The following PARP10 variants were observed in gnomAD, a reference collection of about 807,000 sequenced individuals.
The protein encoded by PARP10 is protein mono-ADP-ribosyltransferase PARP10.
In PARP10, 56 loss-of-function variants were observed where a neutral mutation model predicts 82.4. The ratio of observed to expected loss-of-function variants is 0.68; its 90% CI spans 0.55 to 0.85. PARP10 has a LOEUF of 0.85. PARP10 is among the 40% of genes least tolerant of loss of function. The pLI, the probability that PARP10 is intolerant of heterozygous loss-of-function variation, is 0.00. For missense variants in PARP10, 1,227 were observed against 1,379.4 expected, an observed-to-expected ratio of 0.89 and a Z score of 1.75; for synonymous variants, 576 against 601.1, an observed-to-expected ratio of 0.96 and a Z score of 0.61.
chr8:143,999,435 C>T (rs181850577), intron 1 of PARP10, among the ~76,000 whole-genome samples: 1 of 152,274 alleles, frequency 6.6e-6, no homozygotes, highest in African/African-American at 2.4e-5. Flanking sequence ...AACTGCTGAG[C>T]TCAAGTGGTC....
chr8:143,986,723 A>C (rs994418770), upstream of PARP10: 9 of 416,912 alleles, frequency 2.2e-5, no homozygotes, highest in South Asian at 2.7e-4. Flanking sequence ...CATGGCCTGA[A>C]AATGGCCAAT....
Position 143,986,362 on chromosome 8 carries a change from C to G in PARP10, c.-3G>C. On this transcript the variant is annotated 5_prime_UTR_variant, in exon 1 of 11. Coordinates refer to ENST00000313028, the MANE Select transcript of PARP10 (RefSeq NM_032789.5). ...GGCCCCACATACAGCACTTACATTC[C>G]CCGTGGCCGCTAGGCAGCCTCAGGC... 6.2e-7 allele frequency: 1 copy of G among 1,614,178 alleles called. No individual in the cohort carries two copies. The highest frequency in any genetic ancestry group is 2.2e-5 in the East Asian group (1 of 44,882).
At chr8:143,992,411 G>C (rs782421804), upstream of PARP10, 19 of 1,612,648 alleles carry the variant, frequency 1.2e-5, no homozygotes, top group East Asian at 3.8e-4. Context: ...GGCCGCAGGG[G>C]CTGAGCAGCT....
Position 143,983,248 on chromosome 8 carries a change from C to G in PARP10, c.2341G>C (p.Ala781Pro). ...LRGFGAHPAR[A>P]ARHLVALLAG... ...AGAAGTGCCACCAAGTGGCGGGCAG[C>G]ACGGGCAGGGTGGGCCCCGAAGCCA... is the stretch of plus-strand genomic sequence containing the variant. Residue 781 changes from alanine to proline, a missense_variant, in exon 8 of 11, where the codon GCT becomes CCT. By Grantham distance (27) the Ala-to-Pro change is conservative. Transcript: ENST00000313028. The G allele has an allele frequency of 6.2e-7, 1 of 1,613,232 alleles. No homozygotes were observed. The highest frequency in any genetic ancestry group is 8.5e-7 in the Non-Finnish European group (1 of 1,179,874).
Position 143,978,100 on chromosome 8 carries a change from C to A in PARP10, c.2557-19G>T. The stretch of plus-strand genomic sequence containing the variant: ...GCTCCACCTGCGGGGAAGGCCCGGG[C>A]CAGGATTAAACACCCTCCCTACGCC... On this transcript the variant is annotated intron_variant, in intron 9 of 10. Coordinates refer to ENST00000313028, the MANE Select transcript of PARP10 (RefSeq NM_032789.5). The A allele has an allele frequency of 6.7e-7, 1 of 1,488,470 alleles. No homozygotes were observed. The allele number at this position is 1,488,470 out of a possible 1,614,324, so 92.2% of individuals were successfully genotyped here.
intron 10 of PARP10, 28 bp downstream of exon 10, chr8:143,977,879 C>T: frequency 6.3e-7 from 1 of 1,598,972 alleles, no homozygotes; most frequent in Non-Finnish European, 8.5e-7. Context: ...TGCGCAGAGC[C>T]CCCGCCCCTG....
In PARP10 at chr8:143,986,058, C is replaced by T; in HGVS notation, c.178G>A (p.Ala60Thr). 2 of 1,613,710 alleles carry T rather than the reference C, an allele frequency of 1.2e-6. No homozygotes were observed. Among genetic ancestry groups the T allele is most frequent in the South Asian group, 2.2e-5 (2 of 91,086 alleles). The change falls in exon 2 of 11, where the codon GCA (alanine) becomes ACA (threonine). Residue 60 changes from alanine to threonine, a missense_variant. Transcript: ENST00000313028. Reference sequence around the variant, plus strand: ...TCCCTTCAGCCAGCCCTCTCACCTGCAGGCTCTCTGAAGGTGAGGACGCCC... The same window carrying T: ...TCCCTTCAGCCAGCCCTCTCACCTGTAGGCTCTCTGAAGGTGAGGACGCCC... ...CGGVLTFREP[A>T]DAERVLAQAD...
chr8:143,989,904 C>A (rs1834060502), upstream of PARP10: 1 of 152,256 alleles, frequency 6.6e-6, no homozygotes, highest in Non-Finnish European at 1.5e-5. The surrounding 1 kb of genome is among the most constrained non-coding windows in gnomAD (Gnocchi z 4.3). Flanking sequence ...ACCGCCCGAC[C>A]CCACCCCTCG....
At chr8:143,992,937 TC>T, upstream of PARP10, 1 of 1,045,470 alleles carries the variant, frequency 9.6e-7, no homozygotes. Context: ...CTCTCTCTTG[TC>T]CCCAGGCACA....
In PARP10 at chr8:144,007,020, C is replaced by G. The variant is rs146407242; in HGVS notation, c.-80+5510G>C. The stretch of plus-strand genomic sequence containing the variant: ...TCCCAGCCTGAATGCCGCCCCCCTG[C>G]TCTGCCCCACCAAACATTGTTTGCT... On this transcript the variant is annotated intron_variant, in intron 1 of 3. Coordinates refer to the PARP10 transcript ENST00000530478. Among the ~76,000 whole-genome samples, 186 of 152,336 alleles carry G rather than the reference C, an allele frequency of 1.2e-3. 2 individuals are homozygous for G. In the East Asian group the frequency reaches 0.026, roughly 21 times the overall value.
rs61156785 is a variant in PARP10, at chr8:144,008,019, C to A, written c.-80+4511G>T. Among the ~76,000 whole-genome samples the A allele has an allele frequency of 6.6e-6, 1 of 152,010 alleles. No homozygotes were observed. Among genetic ancestry groups the A allele is most frequent in the South Asian group, 2.1e-4 (1 of 4,834 alleles). On this transcript the variant is annotated intron_variant, in intron 1 of 3. Coordinates refer to the PARP10 transcript ENST00000530478. This position sits in a 1 kb window ranked among gnomAD's most constrained non-coding sequence, Gnocchi z 4.0. ...TGGAGAGGAGTCACTGCCGACGTCC[C>A]GGAGGGCCCTGGAAGTCAAATGCCA...
Position 143,983,410 on chromosome 8 carries a change from T to C in PARP10, c.2179A>G (p.Arg727Gly). The change falls in exon 8 of 11, where the codon AGG (arginine) becomes GGG (glycine). Residue 727 changes from arginine to glycine, a missense_variant. Physicochemically the swap from Arg to Gly is moderately radical, Grantham distance 125. Coordinates refer to ENST00000313028, the MANE Select transcript of PARP10 (RefSeq NM_032789.5). ...QDVEELDRALRAALEVHVQEE... is the reference protein window; with the variant it reads ...QDVEELDRALGAALEVHVQEE... ...TGGACGTGGACCTCCAAGGCAGCCCTGAGCGCCCGGTCCAGCTCCTCCACA... is the reference window on the plus strand; with the variant it reads ...TGGACGTGGACCTCCAAGGCAGCCCCGAGCGCCCGGTCCAGCTCCTCCACA... 6.2e-7 allele frequency: 1 copy of C among 1,604,652 alleles called. No individual in the cohort carries two copies. Among genetic ancestry groups the C allele is most frequent in the Non-Finnish European group, 8.5e-7 (1 of 1,179,342 alleles).
upstream of PARP10, among the ~76,000 whole-genome samples, chr8:143,988,214 A>G: frequency 7.5e-6 from 1 of 133,470 alleles, no homozygotes; most frequent in African/African-American, 2.9e-5. Context: ...AAGTGCCGTG[A>G]TCTCGGCTCA....
At position 143,979,555 on chromosome 8, in the gene PARP10, G is replaced by A. The variant is rs565583391; in HGVS notation, c.2557-1474C>T. 5.9e-5 allele frequency among the ~76,000 whole-genome samples: 9 copies of A among 152,328 alleles called. No individual in the cohort carries two copies. The South Asian group carries it at 1.2e-3, about 21-fold the overall frequency. ...GGCATATTAGGACACACGAGAACATGGAAGTTCATACCAACATCAAATTAC... is the reference window on the plus strand; with the variant it reads ...GGCATATTAGGACACACGAGAACATAGAAGTTCATACCAACATCAAATTAC... On this transcript the variant is annotated intron_variant, in intron 9 of 10. Coordinates refer to ENST00000313028, the MANE Select transcript of PARP10 (RefSeq NM_032789.5).
At chr8:143,979,646 C>T (rs2133034563) in intron 9 of PARP10, among the ~76,000 whole-genome samples, 1 of 152,306 alleles carries the variant, frequency 6.6e-6, no homozygotes, top group Admixed American at 6.5e-5. Flanking sequence ...TGCAGTGGCT[C>T]ACGCCTGTAA....
intron 7 of PARP10, 24 bp downstream of exon 7, chr8:143,983,984 C>A: frequency 6.7e-7 from 1 of 1,500,270 alleles, no homozygotes; most frequent in African/African-American, 1.4e-5. Context: ...ACAGGATGTG[C>A]TGAGGGCTCC....
chr8:143,985,131 C>G lies in PARP10; in HGVS notation c.871G>C (p.Gly291Arg). The change falls in exon 5 of 11, where the codon GGG (glycine) becomes CGG (arginine). Residue 291 changes from glycine to arginine, a missense_variant. Transcript: ENST00000313028. ...TCGCCAGAGCCCATTGTCACAGTCC[C>G]TGCACCCTGCAGAGCCGTCACCAAC... ...GGLVTALQGA[G>R]TVTMGSGEEP... 1 of 1,614,116 alleles carries G rather than the reference C, an allele frequency of 6.2e-7. No homozygotes were observed. The highest frequency in any genetic ancestry group is 1.1e-5 in the South Asian group (1 of 91,086).
intron 1 of PARP10, among the ~76,000 whole-genome samples, chr8:144,010,981 G>T (rs1465883234): frequency 6.6e-6 from 1 of 151,974 alleles, no homozygotes; most frequent in Admixed American, 6.5e-5. Context: ...CCAAATAACT[G>T]AAGGTAATCT....
intron 9 of PARP10, among the ~76,000 whole-genome samples, chr8:143,979,036 G>C (rs547065091): frequency 8.7e-5 from 13 of 150,010 alleles, no homozygotes; most frequent in Admixed American, 3.3e-4. Context: ...GCAGTGGCAC[G>C]ATCTCGGCTC....
Sources: gnomAD v4.1 joint callset for allele counts (sites outside exome capture counted in the v4.1 genomes callset) on GRCh38, gnomAD v4.1.1 for gene constraint, Gnocchi (gnomAD v3.1) non-coding constraint, MANE v1.5 for transcripts, NCBI Gene and HGNC (gene_info 2026-07-23, HGNC 2026-07-21) for gene names.